Variants in CACNA1E observed in about 807,000 individuals in gnomAD.
CACNA1E encodes the protein voltage-dependent R-type calcium channel subunit alpha-1E.
CACNA1E carries 40 observed loss-of-function variants against 259.2 expected under a neutral mutation model. The ratio of observed to expected loss-of-function variants is 0.15; its 90% CI spans 0.12 to 0.20. The LOEUF (loss-of-function observed/expected upper bound fraction) is 0.20. Among genes scored for constraint, CACNA1E ranks in the 10% least tolerant of loss-of-function variants. The pLI is 1.00. For synonymous variants in CACNA1E, 1,104 were observed against 1,138.5 expected (o/e 0.97, Z 0.61); for missense variants, 1,874 against 3,040.1 (o/e 0.62, Z 9.02).
At chr1:181,542,654 C>G (rs1271768630) in intron 3 of CACNA1E, among the ~76,000 whole-genome samples, 1 of 151,946 alleles carries the variant, frequency 6.6e-6, no homozygotes, top group African/African-American at 2.4e-5. Flanking sequence ...TGCCATGATT[C>G]TAAGTTTCCT....
chr1:181,391,998 C>G (rs943242063), intron 1 of CACNA1E, among the ~76,000 whole-genome samples: 4 of 150,240 alleles, frequency 2.7e-5, no homozygotes, highest in Admixed American at 2.7e-4. Context: ...AAGGACAGAC[C>G]TCTTTTGGGC....
chr1:181,408,562 A>C (rs972963704), intron 1 of CACNA1E, among the ~76,000 whole-genome samples: 1 of 152,154 alleles, frequency 6.6e-6, no homozygotes, highest in Non-Finnish European at 1.5e-5. Context: ...TTGGCAGTGC[A>C]GGGTGCTTGT....
Position 181,526,945 on chromosome 1 carries a change from A to T in CACNA1E, c.512+15435A>T, listed in dbSNP as rs1045418049. Reference sequence around the variant, plus strand: ...AGTTTATTGATGAGGAAAGGGAAGCATATAATGAACAAATATATTCTCTGG... The same window carrying T: ...AGTTTATTGATGAGGAAAGGGAAGCTTATAATGAACAAATATATTCTCTGG... On this transcript the variant is annotated intron_variant, in intron 3 of 47. Coordinates refer to ENST00000367573, the MANE Select transcript of CACNA1E (RefSeq NM_001205293.3). 7.2e-5 allele frequency among the ~76,000 whole-genome samples: 11 copies of T among 152,264 alleles called. No homozygotes were observed. The East Asian group carries it at 2.1e-3, about 29-fold the overall frequency.
chr1:181,419,804 G>C (rs1028959674), intron 2 of CACNA1E, among the ~76,000 whole-genome samples: 1 of 152,254 alleles, frequency 6.6e-6, no homozygotes, highest in Non-Finnish European at 1.5e-5. Flanking sequence ...ACAGGTTGCT[G>C]ACTGCAGAGT....
At chr1:181,748,446 G>C (rs1657301087) in intron 25 of CACNA1E, among the ~76,000 whole-genome samples, 1 of 152,046 alleles carries the variant, frequency 6.6e-6, no homozygotes, top group Non-Finnish European at 1.5e-5. Context: ...AGGAAATATT[G>C]GGCCCTCCCG....
intron 2 of CACNA1E, among the ~76,000 whole-genome samples, chr1:181,422,549 C>T (rs957629208): frequency 6.6e-6 from 1 of 152,130 alleles, no homozygotes; most frequent in Admixed American, 6.5e-5. Flanking sequence ...TGAGAACTGT[C>T]CTCCTTCAAG....
intron 43 of CACNA1E, among the ~76,000 whole-genome samples, chr1:181,786,686 T>C (rs1660874182): frequency 6.6e-6 from 1 of 152,262 alleles, no homozygotes; most frequent in South Asian, 2.1e-4. Flanking sequence ...CACAAGTATT[T>C]CTACTCAATG....
chr1:181,326,996 G>T (rs1363983107), intron 1 of CACNA1E, among the ~76,000 whole-genome samples: 2 of 152,128 alleles, frequency 1.3e-5, no homozygotes, highest in Non-Finnish European at 2.9e-5. Context: ...GGCTGTCCTG[G>T]GTTCTTCTCC....
intron 16 of CACNA1E, among the ~76,000 whole-genome samples, chr1:181,722,524 A>C (rs1439814603): frequency 2.0e-5 from 3 of 152,228 alleles, no homozygotes; most frequent in Non-Finnish European, 4.4e-5. Context: ...TAATCCCAGC[A>C]ACTCTGTGTA....
chr1:181,763,299 C>A, intron 33 of CACNA1E, 107 bp from the exon 34 acceptor site: 1 of 939,904 alleles, frequency 1.1e-6, no homozygotes, highest in Non-Finnish European at 1.6e-6. Context: ...AAGACAGAGA[C>A]TGTGTCCCAT....
intron 6 of CACNA1E, among the ~76,000 whole-genome samples, chr1:181,581,027 C>A (rs567629674): frequency 6.6e-6 from 1 of 152,250 alleles, no homozygotes; most frequent in East Asian, 1.9e-4. Context: ...GATAGGTGAA[C>A]AAATTAGTTA....
intron 3 of CACNA1E, among the ~76,000 whole-genome samples, chr1:181,525,437 T>C (rs529131555): frequency 6.6e-6 from 1 of 152,334 alleles, no homozygotes; most frequent in African/African-American, 2.4e-5. Flanking sequence ...AATTAGTGTA[T>C]TTCATATTTT....
At chr1:181,660,992 A>G (rs1466858910) in intron 7 of CACNA1E, among the ~76,000 whole-genome samples, 1 of 152,210 alleles carries the variant, frequency 6.6e-6, no homozygotes, top group Non-Finnish European at 1.5e-5. Flanking sequence ...CTAGGAAGAG[A>G]TAGCAACAGG....
chr1:181,324,968 G>T (rs549146296), intron 1 of CACNA1E, among the ~76,000 whole-genome samples: 2 of 152,142 alleles, frequency 1.3e-5, no homozygotes, highest in African/African-American at 4.8e-5. Flanking sequence ...TTCCCATGCT[G>T]CACAGGATGC....
At chr1:181,591,133 G>A (rs1652602869) in intron 6 of CACNA1E, among the ~76,000 whole-genome samples, 1 of 152,228 alleles carries the variant, frequency 6.6e-6, no homozygotes, top group Admixed American at 6.5e-5. Flanking sequence ...GATTTTAAAA[G>A]CCACATGTAA....
At chr1:181,359,268 G>A (rs1002115605) in intron 1 of CACNA1E, among the ~76,000 whole-genome samples, 1 of 152,146 alleles carries the variant, frequency 6.6e-6, no homozygotes, top group Admixed American at 6.5e-5. Context: ...TAAGTACAAG[G>A]CAAAGTGTAC....
intron 6 of CACNA1E, among the ~76,000 whole-genome samples, chr1:181,588,231 C>T (rs1327313239): frequency 1.3e-5 from 2 of 152,352 alleles, no homozygotes; most frequent in Non-Finnish European, 2.9e-5. Flanking sequence ...GCCCACCTAC[C>T]TCACTAGCAT....
chr1:181,457,396 A>G (rs914080969), intron 2 of CACNA1E, among the ~76,000 whole-genome samples: 1 of 152,224 alleles, frequency 6.6e-6, no homozygotes, highest in African/African-American at 2.4e-5. Context: ...GGAAGATGAG[A>G]TTGGTGGGCT....
intron 7 of CACNA1E, chr1:181,668,863 C>T (rs954974631): frequency 6.6e-6 from 1 of 151,764 alleles, no homozygotes; most frequent in Non-Finnish European, 1.5e-5. Flanking sequence ...GACTCAGTCT[C>T]TTTTAAAAAA....
Sources: allele counts gnomAD v4.1 joint callset (sites outside exome capture counted in the v4.1 genomes callset), GRCh38; gene constraint gnomAD v4.1.1; transcripts MANE v1.5; gene names NCBI Gene and HGNC (gene_info 2026-07-23, HGNC 2026-07-21).